Variants in DNAJC3 observed in about 807,000 individuals in gnomAD.
DNAJC3 encodes the protein dnaJ homolog subfamily C member 3.
A neutral mutation model predicts 68.6 loss-of-function variants in DNAJC3; 38 were observed. The ratio of observed to expected loss-of-function variants is 0.55; its 90% CI spans 0.43 to 0.73. The LOEUF (loss-of-function observed/expected upper bound fraction) is 0.73. Among genes scored for constraint, DNAJC3 ranks in the 30% least tolerant of loss-of-function variants. DNAJC3 has a pLI of 0.00. For missense variants in DNAJC3, 526 were observed against 591.9 expected (o/e 0.89, Z 1.16); for synonymous variants, 203 against 204.0 (o/e 1.00, Z 0.04).
intron 1 of DNAJC3, among the ~76,000 whole-genome samples, chr13:95,703,721 G>A (rs1195866289): frequency 6.6e-6 from 1 of 152,158 alleles, no homozygotes; most frequent in Non-Finnish European, 1.5e-5. Context: ...CTACTGCATA[G>A]CTTGTGTCTG....
intron 9 of DNAJC3, among the ~76,000 whole-genome samples, chr13:95,767,462 T>TG (rs1252677770): frequency 6.6e-6 from 1 of 152,194 alleles, no homozygotes; most frequent in Non-Finnish European, 1.5e-5. Context: ...TTTTGGCTAT[T>TG]GGAGTAGTGT....
rs532538638 is a variant in DNAJC3 at position 95,788,146 on chromosome 13, G to A, written c.1357+991G>A. Among the ~76,000 whole-genome samples, 14 of 152,328 alleles carry A rather than the reference G, an allele frequency of 9.2e-5. 1 individual carries two copies. The highest frequency in any genetic ancestry group is 3.3e-4 in the Admixed American group (5 of 15,296). On this transcript the variant is annotated intron_variant, in intron 11 of 11. Coordinates refer to ENST00000602402, the MANE Select transcript of DNAJC3 (RefSeq NM_006260.5). The stretch of plus-strand genomic sequence containing the variant: ...TGGAATTGAAAGTAAATGATCCTTC[G>A]TTTTCAAGTAATTTATAATCCAGTA...
intron 2 of DNAJC3, among the ~76,000 whole-genome samples, chr13:95,714,412 T>TAA (rs58381820): frequency 0.056 from 7,584 of 135,224 alleles, 249 homozygotes; most frequent in East Asian, 0.099. Context: ...CTTTTTTTCT[T>TAA]AAAAAAAAAA....
In DNAJC3 at chr13:95,748,751, G is replaced by A. The variant is rs190442413; in HGVS notation, c.394-8893G>A. On this transcript the variant is annotated intron_variant, in intron 4 of 11. Coordinates refer to ENST00000602402, the MANE Select transcript of DNAJC3 (RefSeq NM_006260.5). Reference sequence around the variant, plus strand: ...GAATTGCTTGAACCTGGGAGGGAAAGGTTGCAGTGAGCTGAGATTGCACCA... The same window carrying A: ...GAATTGCTTGAACCTGGGAGGGAAAAGTTGCAGTGAGCTGAGATTGCACCA... 4.3e-3 allele frequency among the ~76,000 whole-genome samples: 655 copies of A among 152,314 alleles called. 4 individuals are homozygous for A. Among genetic ancestry groups the A allele is most frequent in the South Asian group, 0.011 (55 of 4,830 alleles).
chr13:95,769,068 A>G (rs747549593), intron 9 of DNAJC3, among the ~76,000 whole-genome samples: 7 of 151,870 alleles, frequency 4.6e-5, no homozygotes, highest in Non-Finnish European at 7.4e-5. Context: ...CCTCTGCATC[A>G]GCAGTCTCAG....
intron 4 of DNAJC3, among the ~76,000 whole-genome samples, chr13:95,747,431 A>C (rs1329686008): frequency 6.6e-6 from 1 of 152,152 alleles, no homozygotes; most frequent in Admixed American, 6.5e-5. Flanking sequence ...GGGTAGGAGG[A>C]CCATCCAGGG....
At chr13:95,773,736 T>C (rs1251411855) in intron 9 of DNAJC3, among the ~76,000 whole-genome samples, 1,724 of 137,280 alleles carry the variant, frequency 0.013, 39 homozygotes, top group African/African-American at 0.045. Context: ...TTGGTCTTTT[T>C]TTTTTTTTTT....
chr13:95,698,687 A>G (rs2139614762), intron 1 of DNAJC3, among the ~76,000 whole-genome samples: 1 of 152,308 alleles, frequency 6.6e-6, no homozygotes, highest in South Asian at 2.1e-4. Flanking sequence ...GTTTAAGGAC[A>G]TGAGGGCAGA....
At chr13:95,691,656 G>A (rs1335356490) in intron 1 of DNAJC3, among the ~76,000 whole-genome samples, 1 of 152,194 alleles carries the variant, frequency 6.6e-6, no homozygotes, top group African/African-American at 2.4e-5. Flanking sequence ...ACGGGGTGGT[G>A]GCCGGGCAGA....
chr13:95,718,790 C>T (rs73550574), intron 2 of DNAJC3, among the ~76,000 whole-genome samples: 13 of 152,310 alleles, frequency 8.5e-5, no homozygotes, highest in Admixed American at 3.3e-4. Flanking sequence ...ATATTCTCCC[C>T]GTGCAGAATT....
At chr13:95,724,223 A>G (rs781068183) in intron 3 of DNAJC3, among the ~76,000 whole-genome samples, 9 of 152,130 alleles carry the variant, frequency 5.9e-5, no homozygotes, top group Non-Finnish European at 1.3e-4. Flanking sequence ...TGATAGTTGG[A>G]GTGGCTTTTT....
chr13:95,759,970 A>T, intron 5 of DNAJC3, 70 bp from the exon 6 acceptor site: 2 of 1,413,472 alleles, frequency 1.4e-6, no homozygotes, highest in Non-Finnish European at 1.9e-6. Flanking sequence ...TAGATAAAAA[A>T]TACGTGGAAT....
intron 9 of DNAJC3, among the ~76,000 whole-genome samples, chr13:95,769,365 G>T (rs1257647561): frequency 6.6e-6 from 1 of 152,174 alleles, no homozygotes; most frequent in Non-Finnish European, 1.5e-5. Flanking sequence ...CCTGGCTTCT[G>T]TTTATGTGGA....
chr13:95,760,659 T>TG lies in DNAJC3; in HGVS notation c.729-20_729-19insG, dbSNP rs1290216392. On this transcript the variant is annotated intron_variant, in intron 6 of 11. Transcript: ENST00000602402. ...ATTGTTTTGACATGGAGTATTTTCCTTTTTTAAATACATGAACAGTGAAGT... is the reference window on the plus strand; with the variant it reads ...ATTGTTTTGACATGGAGTATTTTCCTGTTTTTAAATACATGAACAGTGAAGT... The TG allele has an allele frequency of 6.3e-7, 1 of 1,588,906 alleles. No homozygotes were observed. The highest frequency in any genetic ancestry group is 2.3e-5 in the East Asian group (1 of 44,246).
intron 1 of DNAJC3, among the ~76,000 whole-genome samples, chr13:95,680,441 G>C (rs974103641): frequency 5.9e-5 from 9 of 152,106 alleles, no homozygotes; most frequent in Admixed American, 2.6e-4. Flanking sequence ...GGTATGTTTT[G>C]TCTTTTCTAG....
chr13:95,787,648 T>TA (rs1358409699), intron 11 of DNAJC3, among the ~76,000 whole-genome samples: 1 of 152,060 alleles, frequency 6.6e-6, no homozygotes, highest in South Asian at 2.1e-4. Flanking sequence ...ATAGGATCAT[T>TA]AGATTCACAG....
intron 4 of DNAJC3, among the ~76,000 whole-genome samples, chr13:95,743,665 C>G (rs528993100): frequency 7.2e-5 from 11 of 152,220 alleles, no homozygotes; most frequent in African/African-American, 2.4e-4. Flanking sequence ...TCAAGCAATT[C>G]TCCTGTCTCA....
In DNAJC3 at chr13:95,761,918, T is replaced by C. The variant is rs567898365; in HGVS notation, c.848+1120T>C. On this transcript the variant is annotated intron_variant, in intron 7 of 11. Coordinates refer to ENST00000602402, the MANE Select transcript of DNAJC3 (RefSeq NM_006260.5). Reference sequence around the variant, plus strand: ...CCACAGCTGGCAGGATGGGCTTTTTTCCCCCTCATTCGAATTGTCTGGAGA... The same window carrying C: ...CCACAGCTGGCAGGATGGGCTTTTTCCCCCCTCATTCGAATTGTCTGGAGA... Among the ~76,000 whole-genome samples the C allele has an allele frequency of 4.3e-4, 65 of 152,236 alleles. 1 individual carries two copies. Among genetic ancestry groups the C allele is most frequent in the Non-Finnish European group, 6.2e-4 (42 of 68,006 alleles).
chr13:95,696,133 C>T (rs1325846937), intron 1 of DNAJC3, among the ~76,000 whole-genome samples: 2 of 152,182 alleles, frequency 1.3e-5, no homozygotes, highest in Non-Finnish European at 2.9e-5. Context: ...TGACGAAACT[C>T]GATCCACATG....
Sources: allele counts gnomAD v4.1 joint callset (sites outside exome capture counted in the v4.1 genomes callset), GRCh38; gene constraint gnomAD v4.1.1; transcripts MANE v1.5; gene names NCBI Gene and HGNC (gene_info 2026-07-23, HGNC 2026-07-21).